FGF13: variants seen among roughly 807,000 people sequenced by gnomAD.
FGF13 encodes fibroblast growth factor 13.
In FGF13, 2 loss-of-function variants were observed where a neutral mutation model predicts 19.5. The ratio of observed to expected loss-of-function variants is 0.10; its 90% confidence interval spans 0.04 to 0.32. The LOEUF is 0.32. Ranked by LOEUF, FGF13 falls within the 10% of genes least tolerant of loss-of-function variation. The pLI is 1.00. For synonymous variants in FGF13, 72 were observed against 76.9 expected (o/e 0.94, Z 0.33); for missense variants, 113 against 192.7 (o/e 0.59, Z 2.45).
chrX:138,928,073 C>A (rs1044202331), intron 1 of FGF13, among the ~76,000 whole-genome samples: 7 of 110,875 alleles, frequency 6.3e-5, no homozygotes, highest in Non-Finnish European at 1.1e-4. Context: ...TTCACTAAGA[C>A]AAAATGGATA....
At chrX:139,197,883 A>T (rs2084385578) in intron 1 of FGF13, among the ~76,000 whole-genome samples, 1 of 106,696 alleles carries the variant, frequency 9.4e-6, no homozygotes, top group Non-Finnish European at 1.9e-5. Context: ...AATCCCAGCT[A>T]CTAGGAAGGC....
intron 1 of FGF13, among the ~76,000 whole-genome samples, chrX:138,972,902 A>G (rs1054093458): frequency 4.1e-4 from 17 of 41,831 alleles, no homozygotes; most frequent in Admixed American, 1.4e-3. Context: ...TGAATAATTT[A>G]CTTCATTATT....
chrX:138,824,556 A>T (rs1487102500), intron 3 of FGF13, among the ~76,000 whole-genome samples: 1 of 111,669 alleles, frequency 9.0e-6, no homozygotes, highest in African/African-American at 3.3e-5. Context: ...GACCTAATGC[A>T]GGTCAAAAGT....
chrX:139,165,686 G>A (rs1284687808), intron 1 of FGF13, among the ~76,000 whole-genome samples: 1 of 111,243 alleles, frequency 9.0e-6, no homozygotes, highest in African/African-American at 3.3e-5. Context: ...GCCCCAGCTG[G>A]ATTTCAAGCG....
intron 3 of FGF13, among the ~76,000 whole-genome samples, chrX:138,676,064 T>C (rs1027268157): frequency 8.9e-5 from 10 of 112,094 alleles, no homozygotes; most frequent in African/African-American, 3.2e-4. Flanking sequence ...TGCTAAAGCA[T>C]CATTATTATT....
At chrX:139,011,906 T>C (rs1319370838) in intron 1 of FGF13, among the ~76,000 whole-genome samples, 1 of 111,474 alleles carries the variant, frequency 9.0e-6, no homozygotes, top group Non-Finnish European at 1.9e-5. Context: ...AAACTATTGC[T>C]GTTTGCTGAT....
intron 1 of FGF13, among the ~76,000 whole-genome samples, chrX:139,031,908 A>T (rs1396820190): frequency 2.7e-5 from 3 of 110,611 alleles, no homozygotes; most frequent in African/African-American, 9.9e-5. Flanking sequence ...TTAGATTATT[A>T]AAAAAAGACA....
At chrX:138,950,475 T>C (rs1276402422) in intron 1 of FGF13, among the ~76,000 whole-genome samples, 1 of 111,903 alleles carries the variant, frequency 8.9e-6, no homozygotes, top group South Asian at 3.7e-4. Flanking sequence ...CGATAGATGA[T>C]AGGAGTGAGC....
intron 1 of FGF13, among the ~76,000 whole-genome samples, chrX:138,732,203 T>C (rs1182888897): frequency 1.8e-5 from 2 of 111,950 alleles, no homozygotes; most frequent in Non-Finnish European, 3.8e-5. Flanking sequence ...GTTAAACTTA[T>C]ATCAACTTTA....
intron 3 of FGF13, among the ~76,000 whole-genome samples, chrX:138,808,105 C>T (rs1274490703): frequency 5.4e-5 from 6 of 111,729 alleles, no homozygotes; most frequent in African/African-American, 2.0e-4. Context: ...TAGACATCTA[C>T]GGAACTCTCC....
Position 138,711,448 on chromosome X carries a change from C to A in FGF13, c.-445G>T. 1 of 693,521 alleles carries A rather than the reference C, an allele frequency of 1.4e-6. No individual in the cohort carries two copies. Among genetic ancestry groups the A allele is most frequent in the Middle Eastern group, 8.3e-4 (1 of 1,205 alleles). The allele number at this position is 693,521 out of a possible 1,213,427, so 57.2% of individuals were successfully genotyped here. On this transcript the variant is annotated 5_prime_UTR_variant, in exon 1 of 5. Transcript: ENST00000315930. ...GGCGGGCGGAGGGAGTGAGCGCGGG[C>A]GGGAGAGAGGCCGGGAGCTCGGGCG...
At chrX:138,899,553 T>A (rs1347138157) in intron 1 of FGF13, among the ~76,000 whole-genome samples, 2 of 110,956 alleles carry the variant, frequency 1.8e-5, no homozygotes, top group Non-Finnish European at 3.8e-5. Flanking sequence ...CAAGATTTCA[T>A]GAGAAACTGA....
rs72616248 is a variant in FGF13 at position 138,696,121 on chromosome X, A to C, written c.402+6863T>G. On this transcript the variant is annotated intron_variant, in intron 3 of 4. Transcript: ENST00000315930. Reference sequence around the variant, plus strand: ...TCCATCAACTGACAATGAATAAACCAATGTAGGAACATACAATGGAATATT... The same window carrying C: ...TCCATCAACTGACAATGAATAAACCCATGTAGGAACATACAATGGAATATT... Among the ~76,000 whole-genome samples the C allele has an allele frequency of 1.7e-3, 192 of 112,057 alleles. 1 individual carries two copies. The East Asian group carries it at 0.05, about 29-fold the overall frequency.
intron 1 of FGF13, among the ~76,000 whole-genome samples, chrX:139,046,062 T>C (rs1273511620): frequency 8.9e-6 from 1 of 111,740 alleles, no homozygotes; most frequent in African/African-American, 3.3e-5. Context: ...ATGGTTAATT[T>C]ACAAAGAAAA....
At chrX:138,805,493 C>T (rs1225248088) in intron 3 of FGF13, among the ~76,000 whole-genome samples, 1 of 110,738 alleles carries the variant, frequency 9.0e-6, no homozygotes, top group African/African-American at 3.3e-5. Context: ...TTTGATTGGA[C>T]CTGTGCTCCA....
At chrX:138,889,413 A>G (rs2091466067) in intron 1 of FGF13, among the ~76,000 whole-genome samples, 2 of 112,443 alleles carry the variant, frequency 1.8e-5, no homozygotes, top group Non-Finnish European at 3.8e-5. Flanking sequence ...AAGACCTCCC[A>G]GCAAGAATAT....
Position 138,632,896 on chromosome X carries a change from C to A in FGF13, c.692G>T (p.Gly231Val). The stretch of plus-strand genomic sequence containing the variant: ...CATGGATTTGCCTCCGTTCAGCACG[C>A]CAGAGACACTTCTGCTCTTGGTTGG... ...GTPTKSRSVS[G>V]VLNGGKSMSH... The change falls in exon 5 of 5, where the codon GGC becomes GTC. Residue 231 changes from glycine to valine, a missense_variant. By Grantham distance (109) the Gly-to-Val change is moderately radical. Around this residue, in one of 4 missense-constraint regions of FGF13, gnomAD observed 43 missense variants for 41.4 expected, o/e 1.04. Transcript: ENST00000315930. The A allele has an allele frequency of 4.1e-6, 5 of 1,210,682 alleles. No homozygotes were observed. Among genetic ancestry groups the A allele is most frequent in the Non-Finnish European group, 5.6e-6 (5 of 895,007 alleles).
intron 1 of FGF13, among the ~76,000 whole-genome samples, chrX:139,058,977 AC>A (rs1485380506): frequency 9.0e-6 from 1 of 111,244 alleles, no homozygotes; most frequent in African/African-American, 3.3e-5. Context: ...GGATTACTCA[AC>A]CAAAAAGTTA....
intron 3 of FGF13, among the ~76,000 whole-genome samples, chrX:138,697,902 T>C (rs369292309): frequency 1.8e-5 from 2 of 111,424 alleles, no homozygotes; most frequent in South Asian, 7.5e-4. Context: ...AGCTTTATGT[T>C]ATTAAATATT....
Sources: gnomAD v4.1 joint callset for allele counts (sites outside exome capture counted in the v4.1 genomes callset) on GRCh38, gnomAD v4.1.1 for gene constraint, gnomAD v4.1.1 regional missense constraint, MANE v1.5 for transcripts, NCBI Gene and HGNC (gene_info 2026-07-23, HGNC 2026-07-21) for gene names.